SEMA4A: variants seen among roughly 807,000 people sequenced by gnomAD.
The protein encoded by SEMA4A is semaphorin-4A.
A neutral mutation model predicts 72.5 loss-of-function variants in SEMA4A; 52 were observed. That is an observed-to-expected ratio of 0.72 (90% CI 0.57 to 0.90). The LOEUF is 0.90. Ranked by LOEUF, SEMA4A falls within the 40% of genes least tolerant of loss-of-function variation. The pLI, the probability that SEMA4A is intolerant of heterozygous loss-of-function variation, is 0.00. For missense variants in SEMA4A, 926 were observed against 959.7 expected, an observed-to-expected ratio of 0.96 and a Z score of 0.46; for synonymous variants, 369 against 393.1, an observed-to-expected ratio of 0.94 and a Z score of 0.73.
intron 10 of SEMA4A, among the ~76,000 whole-genome samples, chr1:156,171,909 G>A (rs1045289895): frequency 2.7e-5 from 4 of 146,720 alleles, no homozygotes; most frequent in Non-Finnish European, 6.0e-5. Flanking sequence ...TCGCCTTCCC[G>A]AGTAGCTGGG....
At position 156,154,566 on chromosome 1, in the gene SEMA4A, T is replaced by C. The variant is rs761742494; in HGVS notation, c.-13T>C. 1.2e-6 allele frequency: 2 copies of C among 1,607,866 alleles called. No homozygotes were observed. The highest frequency in any genetic ancestry group is 2.2e-5 in the East Asian group (1 of 44,822). On this transcript the variant is annotated 5_prime_UTR_variant, in exon 2 of 15. Transcript: ENST00000368285. ...TTTCCCCAGAGCTCCCTGGTGACAG[T>C]CTGTGGCTGAGCATGGCCCTCCCAG... is the stretch of plus-strand genomic sequence containing the variant.
At chr1:156,166,642 A>G (rs1488470454) in intron 10 of SEMA4A, among the ~76,000 whole-genome samples, 3 of 152,184 alleles carry the variant, frequency 2.0e-5, no homozygotes, top group East Asian at 1.9e-4. Context: ...AGAAAAAAGA[A>G]AGAAGGCCAG....
Position 156,157,430 on chromosome 1 carries a change from C to T in SEMA4A, c.301-640C>T, listed in dbSNP as rs189529876. ...AACTCCCGACCTCAGGTGATCCATC[C>T]GCCTCAGGCTTTCTAAGTGCTGGGA... On this transcript the variant is annotated intron_variant, in intron 3 of 14. Coordinates refer to ENST00000368285, the MANE Select transcript of SEMA4A (RefSeq NM_022367.4). The surrounding 1 kb of genome is among the most constrained non-coding windows in gnomAD (Gnocchi z 4.5). Among the ~76,000 whole-genome samples the T allele has an allele frequency of 2.6e-5, 4 of 152,260 alleles. No homozygotes were observed. Among genetic ancestry groups the T allele is most frequent in the Admixed American group, 1.3e-4 (2 of 15,292 alleles).
chr1:156,156,255 G>C (rs1653012602), intron 2 of SEMA4A, 159 bp from the exon 3 acceptor site: 1 of 703,202 alleles, frequency 1.4e-6, no homozygotes, highest in Non-Finnish European at 2.6e-6. Context: ...TGTTGGGGTG[G>C]GGTGAAGGGA....
intron 8 of SEMA4A, 73 bp downstream of exon 8, chr1:156,161,102 T>C: frequency 7.1e-7 from 1 of 1,415,072 alleles, no homozygotes; most frequent in Non-Finnish European, 9.6e-7. Context: ...CAGGACTGAG[T>C]GGTGGGCCCC....
chr1:156,173,109 C>G, intron 11 of SEMA4A, 103 bp downstream of exon 11: 1 of 1,188,732 alleles, frequency 8.4e-7, no homozygotes, highest in Non-Finnish European at 1.2e-6. Context: ...CATTCAACAA[C>G]TGTTTACTGA....
In SEMA4A at chr1:156,163,478, T is replaced by C. The variant is rs550845047; in HGVS notation, c.1134+384T>C. On this transcript the variant is annotated intron_variant, in intron 10 of 14. Transcript: ENST00000368285. ...GGCTCACACCTGTAATCCCAACACT[T>C]GGGGAGGCCGAGGCAGGTGGATCAC... Among the ~76,000 whole-genome samples, 3 of 152,046 alleles carry C rather than the reference T, an allele frequency of 2.0e-5. No homozygotes were observed. The East Asian group carries it at 5.8e-4, about 29-fold the overall frequency.
chr1:156,166,865 G>T (rs1174751340), intron 10 of SEMA4A, among the ~76,000 whole-genome samples: 4 of 151,988 alleles, frequency 2.6e-5, no homozygotes, highest in Non-Finnish European at 5.9e-5. Context: ...GGAGGTGGAG[G>T]TTGCAGTGAG....
At position 156,162,953 on chromosome 1, in the gene SEMA4A, C is replaced by T. The variant is rs767380392; in HGVS notation, c.993C>T (p.Gly331=). Reference sequence around the variant, plus strand: ...CTCTGGCTGTCTCCAGGCAGGTTGGCGGGACCAGGAGCTCTGCGGTTTGTG... The same window carrying T: ...CTCTGGCTGTCTCCAGGCAGGTTGGTGGGACCAGGAGCTCTGCGGTTTGTG... The part of the protein sequence containing the change: ...YAVFTSQWQV[G]GTRSSAVCAF... Residue 331 remains glycine, a synonymous_variant, in exon 10 of 15, where the codon GGC becomes GGT. Transcript: ENST00000368285. The T allele has an allele frequency of 9.9e-6, 16 of 1,613,514 alleles. No homozygotes were observed. Among genetic ancestry groups the T allele is most frequent in the South Asian group, 4.4e-5 (4 of 91,056 alleles).
intron 10 of SEMA4A, among the ~76,000 whole-genome samples, chr1:156,166,797 C>G (rs1415904088): frequency 1.3e-5 from 2 of 151,932 alleles, no homozygotes; most frequent in African/African-American, 2.4e-5. Context: ...GGCGTGGTGG[C>G]ACACACCTGT....
Position 156,162,967 on chromosome 1 carries a change from C to T in SEMA4A, c.1007C>T (p.Ser336Phe), listed in dbSNP as rs750509266. Residue 336 changes from serine (S) to phenylalanine (F), a missense_variant, in exon 10 of 15, where the codon TCT becomes TTT. Coordinates refer to ENST00000368285, the MANE Select transcript of SEMA4A (RefSeq NM_022367.4). The part of the protein sequence containing the change: ...SQWQVGGTRS[S>F]AVCAFSLLDI... ...AGGCAGGTTGGCGGGACCAGGAGCTCTGCGGTTTGTGCCTTCTCTCTCTTG... is the reference window on the plus strand; with the variant it reads ...AGGCAGGTTGGCGGGACCAGGAGCTTTGCGGTTTGTGCCTTCTCTCTCTTG... 5 of 1,613,984 alleles carry T rather than the reference C, an allele frequency of 3.1e-6. No individual in the cohort carries two copies. Among genetic ancestry groups the T allele is most frequent in the Non-Finnish European group, 4.2e-6 (5 of 1,180,038 alleles).
chr1:156,175,394 T>C (rs1655218289), intron 13 of SEMA4A, 151 bp downstream of exon 13: 2 of 1,190,654 alleles, frequency 1.7e-6, no homozygotes. Context: ...GGGATGGAGT[T>C]TCCAGGCAGT....
chr1:156,161,758 G>T, intron 9 of SEMA4A: 1 of 515,902 alleles, frequency 1.9e-6, no homozygotes. Flanking sequence ...AAAAGGGATA[G>T]GAAGCATTTT....
intron 14 of SEMA4A, among the ~76,000 whole-genome samples, chr1:156,176,066 A>G (rs1655295556): frequency 1.3e-5 from 2 of 152,060 alleles, no homozygotes; most frequent in Admixed American, 1.3e-4. Context: ...CCCTTCTACC[A>G]TTGTTTGAGC....
chr1:156,163,026 G>A lies in SEMA4A; in HGVS notation c.1066G>A (p.Glu356Lys), dbSNP rs1653812395. 1 of 1,614,182 alleles carries A rather than the reference G, an allele frequency of 6.2e-7. No individual in the cohort carries two copies. The highest frequency in any genetic ancestry group is 8.5e-7 in the Non-Finnish European group (1 of 1,180,034). Residue 356 changes from glutamate to lysine, a missense_variant, in exon 10 of 15, where the codon GAG becomes AAG. Coordinates refer to ENST00000368285, the MANE Select transcript of SEMA4A (RefSeq NM_022367.4). ...IERVFKGKYK[E>K]LNKETSRWTT... is the part of the protein sequence containing the mutation. ...ACGTGTCTTTAAGGGGAAATACAAA[G>A]AGTTGAACAAAGAAACTTCACGCTG...
chr1:156,172,012 C>T (rs1021374673), intron 10 of SEMA4A, among the ~76,000 whole-genome samples: 4 of 151,974 alleles, frequency 2.6e-5, no homozygotes, highest in African/African-American at 7.2e-5. Context: ...TCTCGATCTC[C>T]TGACTTCGTG....
rs1374529115 is a variant in SEMA4A at position 156,168,077 on chromosome 1, C to T, written c.1135-4749C>T. Among the ~76,000 whole-genome samples, 3 of 152,044 alleles carry T rather than the reference C, an allele frequency of 2.0e-5. No individual in the cohort carries two copies. In the East Asian group the frequency reaches 5.8e-4, roughly 29 times the overall value. On this transcript the variant is annotated intron_variant, in intron 10 of 14. Coordinates refer to ENST00000368285, the MANE Select transcript of SEMA4A (RefSeq NM_022367.4). Reference sequence around the variant, plus strand: ...CTGGGATTACAGGCGTGCGCCGCCACAGCACCCAGCTAATTTTTGTATTTT... The same window carrying T: ...CTGGGATTACAGGCGTGCGCCGCCATAGCACCCAGCTAATTTTTGTATTTT...
chr1:156,150,541 G>T (rs1466917181), upstream of SEMA4A, among the ~76,000 whole-genome samples: 3 of 152,000 alleles, frequency 2.0e-5, no homozygotes, highest in East Asian at 5.8e-4. Flanking sequence ...AAGCTGAAAG[G>T]GAGGAGGTGG....
At chr1:156,156,672 G>GA in intron 3 of SEMA4A, 98 bp downstream of exon 3, 9 of 1,165,856 alleles carry the variant, frequency 7.7e-6, no homozygotes, top group Non-Finnish European at 1.1e-5. Flanking sequence ...CTTAGTTGCT[G>GA]TTATCTGTAA....
Sources: gnomAD v4.1 joint callset for allele counts (sites outside exome capture counted in the v4.1 genomes callset) on GRCh38, gnomAD v4.1.1 for gene constraint, Gnocchi (gnomAD v3.1) non-coding constraint, MANE v1.5 for transcripts, NCBI Gene and HGNC (gene_info 2026-07-23, HGNC 2026-07-21) for gene names.